CYFIP2: variants seen among roughly 807,000 people sequenced by gnomAD.
CYFIP2 encodes cytoplasmic FMR1 interacting protein 2.
A neutral mutation model predicts 158.7 loss-of-function variants in CYFIP2; 29 were observed. That is an observed-to-expected ratio of 0.18 (90% confidence interval 0.14 to 0.25). CYFIP2 has a LOEUF of 0.25. Among genes scored for constraint, CYFIP2 ranks in the 10% least tolerant of loss-of-function variants. CYFIP2 has a pLI of 1.00. For missense variants in CYFIP2, 852 were observed against 1,639.5 expected (o/e 0.52, Z 8.29); for synonymous variants, 585 against 617.6 (o/e 0.95, Z 0.78).
chr5:157,277,445 C>T (rs947236970), intron 1 of CYFIP2, among the ~76,000 whole-genome samples: 1 of 152,128 alleles, frequency 6.6e-6, no homozygotes, highest in Non-Finnish European at 1.5e-5. Flanking sequence ...AGGACATGGC[C>T]AACTTCAGGT....
Position 157,393,209 on chromosome 5 carries a change from A to T in CYFIP2, c.*209A>T. 7 of 125,948 alleles carry T rather than the reference A, an allele frequency of 5.6e-5. No individual in the cohort carries two copies. Among genetic ancestry groups the T allele is most frequent in the East Asian group, 4.9e-4 (2 of 4,096 alleles). The allele number at this position is 125,948 out of a possible 1,614,324, so 7.8% of individuals were successfully genotyped here. ...GCTGGTTTCTCCATAGCATAAATGA[A>T]AAAAAAAAAAAAAAAGTAAACAGGG... On this transcript the variant is annotated 3_prime_UTR_variant, in exon 31 of 31. Transcript: ENST00000620254.
intron 23 of CYFIP2, among the ~76,000 whole-genome samples, chr5:157,348,917 T>A (rs1455221667): frequency 1.4e-5 from 2 of 145,212 alleles, no homozygotes; most frequent in African/African-American, 2.6e-5. Flanking sequence ...ACCACTGCAC[T>A]CCAGCCTGGG....
At chr5:157,337,677 T>C (rs1287225280) in intron 21 of CYFIP2, among the ~76,000 whole-genome samples, 1 of 152,204 alleles carries the variant, frequency 6.6e-6, no homozygotes, top group Non-Finnish European at 1.5e-5. Context: ...GAGAATGAAA[T>C]TGAATCCTTG....
intron 3 of CYFIP2, among the ~76,000 whole-genome samples, chr5:157,294,470 A>ATCTGGG (rs2113868726): frequency 6.6e-6 from 1 of 152,298 alleles, no homozygotes; most frequent in East Asian, 1.9e-4. Context: ...CTAACATTAT[A>ATCTGGG]TCTGGGGGGC....
At chr5:157,340,975 C>T in intron 22 of CYFIP2, 95 bp from the exon 23 acceptor site, 1 of 1,187,084 alleles carries the variant, frequency 8.4e-7, no homozygotes, top group Non-Finnish European at 1.2e-6. Context: ...CAGTGCAAAC[C>T]TTCACCTGGC....
Position 157,381,002 on chromosome 5 carries a change from G to A in CYFIP2, c.3040-1588G>A, listed in dbSNP as rs200040864. ...GGCCAAGGCAGGCAGATCACCTGAG[G>A]TCAGGAGTTTGAGACCAGCCTGGCC... On this transcript the variant is annotated intron_variant, in intron 26 of 30. Transcript: ENST00000620254. Among the ~76,000 whole-genome samples, 12 of 152,292 alleles carry A rather than the reference G, an allele frequency of 7.9e-5. No homozygotes were observed. In the East Asian group the frequency reaches 1.4e-3, roughly 17 times the overall value.
At chr5:157,300,337 C>T (rs1758633818) in intron 5 of CYFIP2, among the ~76,000 whole-genome samples, 2 of 152,028 alleles carry the variant, frequency 1.3e-5, no homozygotes, top group South Asian at 4.2e-4. Flanking sequence ...GAGATTGAGA[C>T]CAGCCTGACC....
chr5:157,277,447 A>G (rs1054556507), intron 1 of CYFIP2, among the ~76,000 whole-genome samples: 1 of 152,180 alleles, frequency 6.6e-6, no homozygotes, highest in African/African-American at 2.4e-5. Context: ...GACATGGCCA[A>G]CTTCAGGTCG....
intron 23 of CYFIP2, among the ~76,000 whole-genome samples, chr5:157,347,072 A>G: frequency 6.6e-6 from 1 of 152,204 alleles, no homozygotes. Context: ...TACACATTAT[A>G]TGTTTTTAAA....
At chr5:157,343,650 C>T in intron 23 of CYFIP2, 1 of 858,876 alleles carries the variant, frequency 1.2e-6, no homozygotes, top group Non-Finnish European at 1.8e-6. Context: ...CTCATGTTGC[C>T]CTCATCTTAC....
chr5:157,376,288 TGA>T (rs1261043988), intron 26 of CYFIP2: 2 of 152,252 alleles, frequency 1.3e-5, no homozygotes, highest in East Asian at 3.8e-4. Context: ...TGCACCCAAT[TGA>T]TTCTGTTTTA....
chr5:157,346,967 A>G (rs1762743206), intron 23 of CYFIP2, among the ~76,000 whole-genome samples: 1 of 152,228 alleles, frequency 6.6e-6, no homozygotes, highest in Non-Finnish European at 1.5e-5. Context: ...TCAACCTTGT[A>G]AGAACCCATT....
intron 24 of CYFIP2, among the ~76,000 whole-genome samples, chr5:157,359,353 C>T (rs1474321282): frequency 6.6e-6 from 1 of 152,130 alleles, no homozygotes; most frequent in Admixed American, 6.5e-5. Context: ...ACATTTTGAC[C>T]TATAGCTGTG....
Position 157,302,746 on chromosome 5 carries a change from G to A in CYFIP2, c.570-48G>A, listed in dbSNP as rs140078910. 49 of 1,491,538 alleles carry A rather than the reference G, an allele frequency of 3.3e-5. No homozygotes were observed. The East Asian group carries it at 9.3e-4, about 28-fold the overall frequency. 92.4% of individuals were successfully genotyped at this position (1,491,538 alleles called of 1,614,324 possible). A position where few individuals can be genotyped will look rare whatever the true frequency, so the allele number is the denominator to read the frequency against. ...GAGCCCGTGAGGCATGGTTTAGGCC[G>A]TTGCACTTGGACAGTCCTCTCTGCA... On this transcript the variant is annotated intron_variant, in intron 6 of 30. Coordinates refer to ENST00000620254, the MANE Select transcript of CYFIP2 (RefSeq NM_001037333.3).
chr5:157,383,588 C>G (rs1441612700), intron 28 of CYFIP2: 1 of 436,588 alleles, frequency 2.3e-6, no homozygotes, highest in African/African-American at 2.0e-5. Flanking sequence ...ATCCTGCCAA[C>G]AAGTCGTCTG....
At chr5:157,320,618 T>A in intron 14 of CYFIP2, 37 bp from the exon 15 acceptor site, 1 of 1,613,026 alleles carries the variant, frequency 6.2e-7, no homozygotes, top group East Asian at 2.2e-5. Flanking sequence ...TTTCCCATGG[T>A]GAAACCTGGT....
At chr5:157,362,125 C>T (rs1382028690) in intron 26 of CYFIP2, among the ~76,000 whole-genome samples, 1 of 152,230 alleles carries the variant, frequency 6.6e-6, no homozygotes, top group Non-Finnish European at 1.5e-5. Context: ...AGGTAGATTT[C>T]AGAGAGTTTC....
chr5:157,361,413 T>C lies in CYFIP2; in HGVS notation c.2909-55T>C. The C allele has an allele frequency of 5.0e-6, 8 of 1,610,712 alleles. No individual in the cohort carries two copies. Among genetic ancestry groups the C allele is most frequent in the South Asian group, 2.2e-5 (2 of 90,916 alleles). ...GCTGCCACTCAGTCATTGTTTCCCA[T>C]AGACCCTACTGAGCAGTGTCAACTT... On this transcript the variant is annotated intron_variant, in intron 25 of 30. Transcript: ENST00000620254. The surrounding 1 kb of genome is among the most constrained non-coding windows in gnomAD (Gnocchi z 4.4).
chr5:157,313,521 T>A (rs922017669), intron 11 of CYFIP2, among the ~76,000 whole-genome samples: 1 of 152,192 alleles, frequency 6.6e-6, no homozygotes, highest in Admixed American at 6.5e-5. Flanking sequence ...AAAAGACACT[T>A]GTTTACTGTA....
Sources: allele counts gnomAD v4.1 joint callset (sites outside exome capture counted in the v4.1 genomes callset), GRCh38; gene constraint gnomAD v4.1.1; non-coding constraint Gnocchi (gnomAD v3.1); transcripts MANE v1.5; gene names NCBI Gene and HGNC (gene_info 2026-07-23, HGNC 2026-07-21).